DHX9: variants seen among roughly 807,000 people sequenced by gnomAD.
The protein encoded by DHX9 is ATP-dependent RNA helicase A.
Under a neutral mutation model 148.7 loss-of-function variants are expected in DHX9, and 27 were observed. The observed-to-expected ratio is 0.18, with a 90% CI of 0.13 to 0.25. DHX9 has a LOEUF of 0.25. Among genes scored for constraint, DHX9 ranks in the 10% least tolerant of loss-of-function variants. DHX9 has a pLI of 1.00. For missense variants in DHX9, 796 were observed against 1,559.6 expected (o/e 0.51, Z 8.25); for synonymous variants, 529 against 516.6 (o/e 1.02, Z -0.33).
At chr1:182,843,189 T>C (rs1288595638) in intron 2 of DHX9, 105 bp from the exon 3 acceptor site, 6 of 762,846 alleles carry the variant, frequency 7.9e-6, no homozygotes, top group Non-Finnish European at 1.1e-5. Flanking sequence ...GTATATTTCC[T>C]AAAGTTAGCT....
rs529511486 is a variant in DHX9 at position 182,861,915 on chromosome 1, A to G, written c.1332+1731A>G. Among the ~76,000 whole-genome samples the G allele has an allele frequency of 4.6e-5, 7 of 152,356 alleles. No individual in the cohort carries two copies. The South Asian group carries it at 1.4e-3, about 32-fold the overall frequency. On this transcript the variant is annotated intron_variant, in intron 12 of 27. Coordinates refer to ENST00000367549, the MANE Select transcript of DHX9 (RefSeq NM_001357.5). ...TGTACTTAGTTTGAAAGTCTCAACT[A>G]AACATTTATAGTTCAGCCATGAAGG...
intron 15 of DHX9, among the ~76,000 whole-genome samples, chr1:182,873,912 A>G (rs1455876461): frequency 6.6e-6 from 1 of 152,352 alleles, no homozygotes; most frequent in East Asian, 1.9e-4. Context: ...AAAGAAGCCC[A>G]TAACGATGGG....
At chr1:182,874,782 T>C in intron 15 of DHX9, 72 bp from the exon 16 acceptor site, 1 of 1,204,376 alleles carries the variant, frequency 8.3e-7, no homozygotes, top group Non-Finnish European at 1.2e-6. Context: ...AACTATGAAT[T>C]AGCAAATGAA....
chr1:182,856,976 A>G (rs992091120), intron 7 of DHX9, among the ~76,000 whole-genome samples: 6 of 152,078 alleles, frequency 3.9e-5, no homozygotes, highest in Non-Finnish European at 2.9e-5. Flanking sequence ...CAGCCTCCCC[A>G]GTAGCTGGGA....
intron 8 of DHX9, 71 bp downstream of exon 8, chr1:182,858,311 TGAA>T: frequency 6.6e-7 from 1 of 1,524,848 alleles, no homozygotes. Context: ...AGTGTTTGGC[TGAA>T]GAAGTTTAAT....
chr1:182,862,075 T>C (rs771202545), intron 12 of DHX9, among the ~76,000 whole-genome samples: 1 of 130,850 alleles, frequency 7.6e-6, no homozygotes, highest in African/African-American at 4.2e-5. Flanking sequence ...ATACTGTACT[T>C]CTTTTGGCAC....
intron 3 of DHX9, among the ~76,000 whole-genome samples, chr1:182,849,990 C>A (rs1571299369): frequency 6.7e-6 from 1 of 148,578 alleles, no homozygotes; most frequent in Admixed American, 6.7e-5. Context: ...GTACCCCCCC[C>A]CCTTTTTTTT....
chr1:182,843,661 T>G (rs1667971783), intron 3 of DHX9, among the ~76,000 whole-genome samples: 1 of 152,204 alleles, frequency 6.6e-6, no homozygotes, highest in Non-Finnish European at 1.5e-5. Flanking sequence ...CATTAATCTT[T>G]GTGTCTTATG....
In DHX9 at chr1:182,860,009, A is replaced by G; in HGVS notation, c.1157A>G (p.Glu386Gly). 1 of 1,611,990 alleles carries G rather than the reference A, an allele frequency of 6.2e-7. No individual in the cohort carries two copies. The highest frequency in any genetic ancestry group is 8.5e-7 in the Non-Finnish European group (1 of 1,179,018). The change falls in exon 12 of 28, where the codon GAG becomes GGG. Residue 386 changes from glutamate (E) to glycine (G), a missense_variant. Around this residue, in one of 14 missense-constraint regions of DHX9, gnomAD observed 42 missense variants for 27.1 expected, o/e 1.55. Transcript: ENST00000367549. ...HDLQAILQER[E>G]LLPVKKFESE... The stretch of plus-strand genomic sequence containing the variant: ...CTAATGCAGATCTTGCAGGAGAGAG[A>G]GTTACTGCCTGTGAAGAAATTTGAA...
intron 16 of DHX9, 46 bp from the exon 17 acceptor site, chr1:182,876,004 T>C (rs763628759): frequency 1.3e-6 from 2 of 1,486,260 alleles, no homozygotes; most frequent in Non-Finnish European, 1.9e-6. Flanking sequence ...ACTTACCTCA[T>C]GAGTAACTGA....
chr1:182,879,318 T>G lies in DHX9; in HGVS notation c.2420T>G (p.Leu807Arg), dbSNP rs768241410. Residue 807 changes from leucine (L) to arginine (R), a missense_variant, in exon 21 of 28, where the codon CTT (leucine) becomes CGT (arginine). By Grantham distance (102) the Leu-to-Arg change is moderately radical. Transcript: ENST00000367549. ...PLHEIALSIK[L>R]LRLGGIGQFL... ...CATGAAATTGCTCTTAGCATAAAAC[T>G]TCTGCGTCTAGGAGGAATTGGCCAA... The G allele has an allele frequency of 6.4e-7, 1 of 1,550,846 alleles. No individual in the cohort carries two copies. The highest frequency in any genetic ancestry group is 8.8e-7 in the Non-Finnish European group (1 of 1,133,484).
intron 18 of DHX9, 69 bp downstream of exon 18, chr1:182,876,610 C>A: frequency 1.4e-6 from 2 of 1,412,596 alleles, no homozygotes. Context: ...TACAGGCTTT[C>A]AAAGAGCTAC....
At chr1:182,886,011 A>G (rs1293870374) in intron 27 of DHX9, among the ~76,000 whole-genome samples, 1 of 152,190 alleles carries the variant, frequency 6.6e-6, no homozygotes, top group Admixed American at 6.5e-5. Flanking sequence ...TTTAGGATGT[A>G]TGAATATGTG....
chr1:182,872,764 T>C (rs1177463425), intron 15 of DHX9, among the ~76,000 whole-genome samples: 1 of 152,202 alleles, frequency 6.6e-6, no homozygotes, highest in Admixed American at 6.5e-5. Context: ...AGCCAAACTT[T>C]TAAAAATTAT....
rs754671751 is a variant in DHX9, at chr1:182,880,622, T to C, written c.2624+14T>C. 5 of 1,509,442 alleles carry C rather than the reference T, an allele frequency of 3.3e-6. No homozygotes were observed. Among genetic ancestry groups the C allele is most frequent in the Non-Finnish European group, 3.7e-6 (4 of 1,085,540 alleles). The allele number at this position is 1,509,442 out of a possible 1,614,324, so 93.5% of individuals were successfully genotyped here. On this transcript the variant is annotated intron_variant, in intron 22 of 27. Transcript: ENST00000367549. ...GTGTATTTTCTAGTAAGTGCTTTGT[T>C]TTATTTCTCTTCGTTAAGTGGCAGA... is the stretch of plus-strand genomic sequence containing the variant.
chr1:182,852,581 T>C (rs891737680), intron 4 of DHX9, among the ~76,000 whole-genome samples: 2 of 152,236 alleles, frequency 1.3e-5, no homozygotes, highest in African/African-American at 2.4e-5. Context: ...TCTGAATAAA[T>C]AGGTTTTCCA....
chr1:182,878,979 T>C (rs1648955704), intron 20 of DHX9, among the ~76,000 whole-genome samples: 1 of 152,240 alleles, frequency 6.6e-6, no homozygotes, highest in Non-Finnish European at 1.5e-5. Context: ...TGGGTGGAGC[T>C]AATAACATTC....
intron 23 of DHX9, 29 bp from the exon 24 acceptor site, chr1:182,881,491 G>T: frequency 1.9e-6 from 3 of 1,608,142 alleles, no homozygotes; most frequent in Non-Finnish European, 2.5e-6. Flanking sequence ...TGGTCTTAGA[G>T]AATGATTTCT....
At chr1:182,877,333 T>C (rs1648855637) in intron 19 of DHX9, 2 of 156,134 alleles carry the variant, frequency 1.3e-5, no homozygotes, top group Non-Finnish European at 2.8e-5. Flanking sequence ...TGGAAAAATA[T>C]ACCAGGAGAC....
Sources: allele counts gnomAD v4.1 joint callset (sites outside exome capture counted in the v4.1 genomes callset), GRCh38; gene constraint gnomAD v4.1.1; regional missense constraint gnomAD v4.1.1; transcripts MANE v1.5; gene names NCBI Gene and HGNC (gene_info 2026-07-23, HGNC 2026-07-21).